The following SORCS2 variants were observed in gnomAD, a reference collection of about 807,000 sequenced individuals.
The protein encoded by SORCS2 is sortilin related VPS10 domain containing receptor 2, also known as VPS10 domain-containing receptor SorCS2.
A neutral mutation model predicts 141.6 loss-of-function variants in SORCS2; 100 were observed. That is an observed-to-expected ratio of 0.71 (90% confidence interval 0.60 to 0.83). SORCS2 has a LOEUF of 0.83. SORCS2 is among the 40% of genes least tolerant of loss of function. The probability of loss-of-function intolerance (pLI) is 0.00; values close to 1 mark genes in which losing one functional copy is unlikely to be tolerated. For synonymous variants in SORCS2, 789 were observed against 676.9 expected (o/e 1.17, Z -2.57); for missense variants, 1,646 against 1,560.2 (o/e 1.05, Z -0.93).
intron 1 of SORCS2, among the ~76,000 whole-genome samples, chr4:7,246,334 T>G (rs1262118900): frequency 5.3e-5 from 8 of 152,128 alleles, no homozygotes; most frequent in Admixed American, 2.6e-4. Flanking sequence ...TCCAGGGTGT[T>G]ATTATGGCTT....
chr4:7,636,446 G>A (rs1720264890), intron 3 of SORCS2, among the ~76,000 whole-genome samples: 1 of 152,158 alleles, frequency 6.6e-6, no homozygotes, highest in Non-Finnish European at 1.5e-5. Context: ...TCGGAGCGGG[G>A]GGTGCACACT....
At chr4:7,610,848 G>T (rs1376892181) in intron 3 of SORCS2, among the ~76,000 whole-genome samples, 1 of 152,218 alleles carries the variant, frequency 6.6e-6, no homozygotes, top group East Asian at 1.9e-4. Context: ...CTGTGGACGG[G>T]GATGGGGAAG....
At chr4:7,220,888 T>C (rs1012654546) in intron 1 of SORCS2, among the ~76,000 whole-genome samples, 2 of 152,160 alleles carry the variant, frequency 1.3e-5, no homozygotes, top group African/African-American at 4.8e-5. Context: ...CAGGTTGCCA[T>C]AGAAAGAACA....
chr4:7,716,977 T>A (rs1726235009), intron 17 of SORCS2, among the ~76,000 whole-genome samples: 1 of 152,230 alleles, frequency 6.6e-6, no homozygotes, highest in Non-Finnish European at 1.5e-5. Context: ...CAGAGCCATC[T>A]GGGAGAATTT....
At chr4:7,426,287 T>C (rs538069666) in intron 2 of SORCS2, among the ~76,000 whole-genome samples, 2 of 106,250 alleles carry the variant, frequency 1.9e-5, no homozygotes, top group East Asian at 4.0e-4. Flanking sequence ...ATCCCGGGGC[T>C]GGTGGCTTTG....
chr4:7,497,588 A>C (rs1731706887), intron 2 of SORCS2, among the ~76,000 whole-genome samples: 1 of 152,272 alleles, frequency 6.6e-6, no homozygotes, highest in African/African-American at 2.4e-5. Context: ...GGACTTCCCC[A>C]GGAGTTTGTA....
intron 3 of SORCS2, among the ~76,000 whole-genome samples, chr4:7,573,901 G>A (rs1288767625): frequency 3.9e-5 from 6 of 152,122 alleles, no homozygotes; most frequent in East Asian, 1.9e-4. Context: ...TGGCCTCCTC[G>A]CTGTGCTTGG....
rs887187799 is a variant in SORCS2, at chr4:7,700,741, G to A, written c.1669-2539G>A. ...GCAGACAGGGCCGTGAACCTCGGAG[G>A]GAGCACAGAGCATTGGGGGACATCT... On this transcript the variant is annotated intron_variant, in intron 12 of 26. Coordinates refer to ENST00000507866, the MANE Select transcript of SORCS2 (RefSeq NM_020777.3). Among the ~76,000 whole-genome samples, 5 of 152,188 alleles carry A rather than the reference G, an allele frequency of 3.3e-5. No homozygotes were observed. The South Asian group carries it at 1.0e-3, about 32-fold the overall frequency.
At chr4:7,357,379 T>A (rs3894735) in intron 1 of SORCS2, among the ~76,000 whole-genome samples, 41,987 of 152,114 alleles carry the variant, frequency 0.28, 6,671 homozygotes, top group East Asian at 0.76. Flanking sequence ...AGAGAGCAGA[T>A]GACAGACTCG....
intron 1 of SORCS2, among the ~76,000 whole-genome samples, chr4:7,366,294 G>T (rs535840295): frequency 1.0e-3 from 156 of 151,522 alleles, no homozygotes; most frequent in African/African-American, 3.7e-3. Flanking sequence ...TTAAACCTGT[G>T]TGGACAGTAG....
At chr4:7,341,854 T>A (rs189362904) in intron 1 of SORCS2, among the ~76,000 whole-genome samples, 20 of 152,314 alleles carry the variant, frequency 1.3e-4, no homozygotes, top group African/African-American at 4.6e-4. Context: ...GCACTTCCCA[T>A]TTCTCCTCCT....
At chr4:7,464,676 A>C (rs1423240959) in intron 2 of SORCS2, among the ~76,000 whole-genome samples, 1 of 152,242 alleles carries the variant, frequency 6.6e-6, no homozygotes, top group East Asian at 1.9e-4. Context: ...GGGATCCCAA[A>C]AAATGGTGTA....
At chr4:7,457,837 T>C (rs1380039804) in intron 2 of SORCS2, among the ~76,000 whole-genome samples, 1 of 152,222 alleles carries the variant, frequency 6.6e-6, no homozygotes, top group Non-Finnish European at 1.5e-5. Context: ...TGGAAGGCCC[T>C]GGGGGTTTTA....
intron 1 of SORCS2, among the ~76,000 whole-genome samples, chr4:7,272,176 ATTACGAT>A (rs1715187804): frequency 6.6e-6 from 1 of 152,216 alleles, no homozygotes; most frequent in Non-Finnish European, 1.5e-5. Context: ...CTCCATCCTC[ATTACGAT>A]AAGATAGTAT....
intron 1 of SORCS2, among the ~76,000 whole-genome samples, chr4:7,358,043 C>T (rs1721361936): frequency 6.6e-6 from 1 of 152,220 alleles, no homozygotes; most frequent in South Asian, 2.1e-4. Flanking sequence ...GAGGAGTGCG[C>T]TGGCTCAAGT....
rs1728565538 is a variant in SORCS2 at position 7,452,892 on chromosome 4, C to CCGTGTTGGGGTCAGGT, written c.548+56537_548+56538insCGTGTTGGGGTCAGGT. Among the ~76,000 whole-genome samples the CCGTGTTGGGGTCAGGT allele has an allele frequency of 3.7e-5, 5 of 136,610 alleles. 1 individual carries two copies. Among genetic ancestry groups the CCGTGTTGGGGTCAGGT allele is most frequent in the Non-Finnish European group, 3.2e-5 (2 of 62,966 alleles). The allele number at this position is 136,610 out of a possible 152,430, so 89.6% of individuals were successfully genotyped here. ...GGTCAGGTGCCGTGTTGGGGTCAGG[C>CCGTGTTGGGGTCAGGT]GCTGTGTTGGGGTCAGGTGCTGTGT... On this transcript the variant is annotated intron_variant, in intron 2 of 26. Coordinates refer to ENST00000507866, the MANE Select transcript of SORCS2 (RefSeq NM_020777.3).
chr4:7,263,672 G>C (rs570582331), intron 1 of SORCS2, among the ~76,000 whole-genome samples: 1 of 152,326 alleles, frequency 6.6e-6, no homozygotes, highest in East Asian at 1.9e-4. Flanking sequence ...TGGGGCACAG[G>C]GCTGTCCAGC....
At chr4:7,444,014 G>A (rs1166916887) in intron 2 of SORCS2, among the ~76,000 whole-genome samples, 1 of 152,258 alleles carries the variant, frequency 6.6e-6, no homozygotes, top group African/African-American at 2.4e-5. Context: ...AGGTAAAGGG[G>A]CTGTCTTATC....
intron 2 of SORCS2, among the ~76,000 whole-genome samples, chr4:7,400,485 A>G (rs1402598830): frequency 6.6e-6 from 1 of 151,678 alleles, no homozygotes; most frequent in Non-Finnish European, 1.5e-5. Context: ...CACCACCACC[A>G]CCACTAGAAC....
Sources: allele counts gnomAD v4.1 joint callset (sites outside exome capture counted in the v4.1 genomes callset), GRCh38; gene constraint gnomAD v4.1.1; transcripts MANE v1.5; gene names NCBI Gene and HGNC (gene_info 2026-07-23, HGNC 2026-07-21).